ME3: variants seen among roughly 807,000 people sequenced by gnomAD.
The protein encoded by ME3 is NADP-dependent malic enzyme, mitochondrial.
A neutral mutation model predicts 68.9 loss-of-function variants in ME3; 48 were observed. The ratio of observed to expected loss-of-function variants is 0.70; its 90% CI spans 0.55 to 0.89. The LOEUF is 0.89. Ranked by LOEUF, ME3 falls within the 40% of genes least tolerant of loss-of-function variation. ME3 has a pLI of 0.00. For missense variants in ME3, 675 were observed against 797.4 expected (o/e 0.85, Z 1.85); for synonymous variants, 320 against 318.8 (o/e 1.00, Z -0.04).
chr11:86,476,921 G>C (rs1951112237), intron 7 of ME3, among the ~76,000 whole-genome samples: 3 of 152,198 alleles, frequency 2.0e-5, no homozygotes, highest in Admixed American at 2.0e-4. Context: ...ACTGTGGACA[G>C]CAGTGTTGGA....
At chr11:86,643,049 G>C (rs1944768212) in intron 2 of ME3, among the ~76,000 whole-genome samples, 1 of 152,040 alleles carries the variant, frequency 6.6e-6, no homozygotes, top group Non-Finnish European at 1.5e-5. Context: ...CTGTTATGGA[G>C]CTCAAGGAAT....
intron 4 of ME3, among the ~76,000 whole-genome samples, chr11:86,547,403 T>G (rs1368264686): frequency 6.6e-6 from 1 of 151,512 alleles, no homozygotes; most frequent in Non-Finnish European, 1.5e-5. Flanking sequence ...CACTGCATGT[T>G]CTCACTTATA....
intron 2 of ME3, among the ~76,000 whole-genome samples, chr11:86,597,983 A>G (rs779833522): frequency 2.6e-5 from 4 of 152,150 alleles, no homozygotes; most frequent in Non-Finnish European, 4.4e-5. Context: ...ATGGCCGAAT[A>G]GGAACAGTTC....
At chr11:86,657,722 T>G (rs549781263) in intron 2 of ME3, among the ~76,000 whole-genome samples, 2 of 152,326 alleles carry the variant, frequency 1.3e-5, no homozygotes, top group African/African-American at 4.8e-5. Flanking sequence ...ATCATTTTCC[T>G]TTAGAAAAAA....
intron 2 of ME3, among the ~76,000 whole-genome samples, chr11:86,573,060 T>C (rs1957895904): frequency 8.3e-6 from 1 of 120,386 alleles, no homozygotes; most frequent in Non-Finnish European, 1.8e-5. Flanking sequence ...ATATGTTTGT[T>C]GGCCGCATAA....
intron 4 of ME3, among the ~76,000 whole-genome samples, chr11:86,526,508 T>C (rs1954758183): frequency 6.6e-6 from 1 of 152,180 alleles, no homozygotes; most frequent in East Asian, 1.9e-4. Flanking sequence ...TCTGACAGCG[T>C]TGAAGATAGT....
chr11:86,529,104 T>G (rs542331350), intron 4 of ME3, among the ~76,000 whole-genome samples: 1 of 152,008 alleles, frequency 6.6e-6, no homozygotes, highest in Non-Finnish European at 1.5e-5. Context: ...ATTGATAGAC[T>G]GCTAGCGAGA....
chr11:86,450,072 G>T, intron 9 of ME3, 70 bp from the exon 10 acceptor site: 1 of 1,283,086 alleles, frequency 7.8e-7, no homozygotes, highest in Non-Finnish European at 1.1e-6. Flanking sequence ...CTGATGTCTT[G>T]CCATAAGGAC....
intron 2 of ME3, among the ~76,000 whole-genome samples, chr11:86,560,223 A>G (rs1216294157): frequency 1.3e-5 from 2 of 152,174 alleles, no homozygotes; most frequent in Non-Finnish European, 2.9e-5. Flanking sequence ...TCACAGGGGC[A>G]GTTTTCCCCA....
At chr11:86,651,814 T>A (rs1299407023) in intron 2 of ME3, among the ~76,000 whole-genome samples, 3 of 152,146 alleles carry the variant, frequency 2.0e-5, no homozygotes, top group Non-Finnish European at 2.9e-5. Context: ...AGGAGGAAGT[T>A]CGAACCCATG....
chr11:86,663,750 A>G (rs1946426062), intron 2 of ME3, among the ~76,000 whole-genome samples: 3 of 152,236 alleles, frequency 2.0e-5, no homozygotes, highest in Admixed American at 2.0e-4. Context: ...GTGAAGTAAA[A>G]TAAGGCCATA....
At chr11:86,540,793 C>G (rs1955996555) in intron 4 of ME3, among the ~76,000 whole-genome samples, 1 of 152,172 alleles carries the variant, frequency 6.6e-6, no homozygotes, top group Non-Finnish European at 1.5e-5. Flanking sequence ...TTCCTCTACC[C>G]CAGAACATTT....
chr11:86,650,675 G>C (rs1945343834), intron 2 of ME3, among the ~76,000 whole-genome samples: 1 of 152,226 alleles, frequency 6.6e-6, no homozygotes, highest in Admixed American at 6.5e-5. Context: ...GAGCGACACA[G>C]AAGATGAATG....
chr11:86,497,823 G>T, intron 6 of ME3, 140 bp downstream of exon 6: 2 of 989,136 alleles, frequency 2.0e-6, no homozygotes, highest in Non-Finnish European at 2.9e-6. Context: ...AACTGTGTAG[G>T]GGGAATGCCC....
At chr11:86,470,692 T>C (rs1272301446) in intron 7 of ME3, among the ~76,000 whole-genome samples, 1 of 152,342 alleles carries the variant, frequency 6.6e-6, no homozygotes, top group East Asian at 1.9e-4. Context: ...TTGGGAGACA[T>C]GGCTCTGCAG....
At chr11:86,605,519 C>T (rs981219330) in intron 2 of ME3, among the ~76,000 whole-genome samples, 2 of 152,256 alleles carry the variant, frequency 1.3e-5, no homozygotes, top group Non-Finnish European at 2.9e-5. Flanking sequence ...TAGCATAAGG[C>T]CAGTCTGTTT....
chr11:86,589,288 AT>A (rs1406541143), intron 2 of ME3, among the ~76,000 whole-genome samples: 1 of 151,890 alleles, frequency 6.6e-6, no homozygotes, highest in Non-Finnish European at 1.5e-5. Context: ...ACTATGTTTC[AT>A]TTATTTTTAC....
chr11:86,514,711 GA>G (rs1953767501), intron 4 of ME3, among the ~76,000 whole-genome samples: 1 of 152,110 alleles, frequency 6.6e-6, no homozygotes, highest in Non-Finnish European at 1.5e-5. Context: ...GTGTAAAATG[GA>G]AGAAGTGACA....
rs80199385 is a variant in ME3 at position 86,649,009 on chromosome 11, C to CAA, written c.183+22751_183+22752dup. Among the ~76,000 whole-genome samples the CAA allele has an allele frequency of 3.3e-5, 5 of 151,898 alleles. No individual in the cohort carries two copies. The East Asian group carries it at 7.8e-4, about 24-fold the overall frequency. ...ATACCAAAATCTGTCAGAGACACAA[C>CAA]AAAAAAAGAAAATTTCAGGCCAATA... is the stretch of plus-strand genomic sequence containing the variant. On this transcript the variant is annotated intron_variant, in intron 2 of 14. Coordinates refer to ENST00000543262, the Ensembl canonical transcript of ME3.
Sources: gnomAD v4.1 joint callset for allele counts (sites outside exome capture counted in the v4.1 genomes callset) on GRCh38, gnomAD v4.1.1 for gene constraint, MANE v1.5 for transcripts, NCBI Gene and HGNC (gene_info 2026-07-23, HGNC 2026-07-21) for gene names.